Variants in ATG2A observed in about 807,000 individuals in gnomAD.
ATG2A encodes the protein autophagy-related protein 2 homolog A.
ATG2A carries 103 observed loss-of-function variants against 214.2 expected under a neutral mutation model. The observed-to-expected ratio is 0.48, with a 90% CI of 0.41 to 0.57. The LOEUF (loss-of-function observed/expected upper bound fraction) is 0.57, where lower values mean the gene tolerates loss of function less well. Ranked by LOEUF, ATG2A falls within the 20% of genes least tolerant of loss-of-function variation. The pLI, the probability that ATG2A is intolerant of heterozygous loss-of-function variation, is 0.00. For missense variants in ATG2A, 2,312 were observed against 2,613.2 expected (o/e 0.88, Z 2.51); for synonymous variants, 1,160 against 1,142.1 (o/e 1.02, Z -0.32).
rs186364141 is a variant in ATG2A, at chr11:64,908,881, C to A, written c.2364+110G>T. On this transcript the variant is annotated intron_variant, in intron 16 of 40. Transcript: ENST00000377264. ...CTGGTGTTGGGTCAGCTCATGCCCA[C>A]CCCAGGTGGTCGTGCTGCCCTGGCC... 724 of 1,290,100 alleles carry A rather than the reference C, an allele frequency of 5.6e-4. 4 individuals carry two copies. In the African/African-American group the frequency reaches 9.7e-3, roughly 17 times the overall value. The allele number at this position is 1,290,100 out of a possible 1,614,324, so 79.9% of individuals were successfully genotyped here.
chr11:64,902,535 G>A lies in ATG2A; in HGVS notation c.3758C>T (p.Thr1253Met), dbSNP rs914302325. The change falls in exon 27 of 41, where the codon ACG (threonine) becomes ATG (methionine). Residue 1253 changes from threonine (T) to methionine (M), a missense_variant. By Grantham distance (81) the Thr-to-Met change is moderately conservative. Coordinates refer to ENST00000377264, the MANE Select transcript of ATG2A (RefSeq NM_015104.3). The part of the protein sequence containing the change: ...LHPPPRPPSP[T>M]EIAGQKLSES... ...CTGTACCTTCTGGCCGGCGATCTCC[G>A]TGGGGCTGGGGGGCCGGGGTGGGGG... 18 of 1,544,810 alleles carry A rather than the reference G, an allele frequency of 1.2e-5. No individual in the cohort carries two copies. Among genetic ancestry groups the A allele is most frequent in the East Asian group, 4.9e-5 (2 of 40,910 alleles).
intron 19 of ATG2A, 62 bp from the exon 20 acceptor site, chr11:64,906,877 G>T (rs1250431718): frequency 9.7e-6 from 15 of 1,546,728 alleles, no homozygotes; most frequent in African/African-American, 1.4e-5. Flanking sequence ...AAGCCCTCTG[G>T]GGGTTGGCGG....
In ATG2A at chr11:64,898,332, T is replaced by C; in HGVS notation, c.4702A>G (p.Thr1568Ala). The change falls in exon 33 of 41, where the codon ACT becomes GCT. Residue 1568 changes from threonine to alanine, a missense_variant. Thr to Ala is a moderately conservative substitution (Grantham distance 58, BLOSUM62 0). Coordinates refer to ENST00000377264, the MANE Select transcript of ATG2A (RefSeq NM_015104.3). This position sits in a 1 kb window ranked among gnomAD's most constrained non-coding sequence, Gnocchi z 4.5. ...CACTCAGGCCCACCCAGGTTGGTAG[T>C]GGGGGCCACATGCAGCGCTTTGATG... Reference protein sequence around the residue: ...LTIKALHVAPTTNLGGPECCL... With the variant: ...LTIKALHVAPATNLGGPECCL... 2 of 1,609,426 alleles carry C rather than the reference T, an allele frequency of 1.2e-6. No homozygotes were observed. Among genetic ancestry groups the C allele is most frequent in the Non-Finnish European group, 1.7e-6 (2 of 1,178,518 alleles).
chr11:64,910,203 C>A lies in ATG2A; in HGVS notation c.1708-8G>T, dbSNP rs371052012. ...TGAGCGCCGGGGTCGGCTCTGAGGG[C>A]GAGGGCGTTCAGGTCAGTGAGGGCT... On this transcript the variant is annotated splice_region_variant and splice_polypyrimidine_tract_variant and intron_variant, in intron 12 of 40. Coordinates refer to ENST00000377264, the MANE Select transcript of ATG2A (RefSeq NM_015104.3). 1.1e-5 allele frequency: 17 copies of A among 1,586,420 alleles called. No individual in the cohort carries two copies. Among genetic ancestry groups the A allele is most frequent in the African/African-American group, 1.3e-5 (1 of 74,286 alleles).
chr11:64,910,737 G>GTCA, intron 11 of ATG2A, 29 bp from the exon 12 acceptor site: 1 of 1,609,956 alleles, frequency 6.2e-7, no homozygotes, highest in Non-Finnish European at 8.5e-7. Flanking sequence ...GGCACACAGG[G>GTCA]TCAGGCCTGG....
chr11:64,903,316 G>A lies in ATG2A; in HGVS notation c.3584C>T (p.Thr1195Ile), dbSNP rs1266990758. The change falls in exon 26 of 41, where the codon ACC becomes ATC. Residue 1195 changes from threonine (T) to isoleucine (I), a missense_variant. Transcript: ENST00000377264. This position sits in a 1 kb window ranked among gnomAD's most constrained non-coding sequence, Gnocchi z 4.2. ...DVDLLELVIK[T>I]WKGSTEGKLS... Reference sequence around the variant, plus strand: ...TTTGCCCTCGGTGCTCCCTTTCCAGGTTTTAATCACAAGTTCCAAGAGGTC... The same window carrying A: ...TTTGCCCTCGGTGCTCCCTTTCCAGATTTTAATCACAAGTTCCAAGAGGTC... 6.2e-7 allele frequency: 1 copy of A among 1,614,068 alleles called. No homozygotes were observed. Among genetic ancestry groups the A allele is most frequent in the Admixed American group, 1.7e-5 (1 of 60,020 alleles).
chr11:64,910,123 C>T lies in ATG2A; in HGVS notation c.1780G>A (p.Asp594Asn), dbSNP rs1441177929. 1 of 1,611,832 alleles carries T rather than the reference C, an allele frequency of 6.2e-7. No homozygotes were observed. The highest frequency in any genetic ancestry group is 1.3e-5 in the African/African-American group (1 of 74,920). ...LALDLANFQADVELGALDRLA... is the reference protein window; with the variant it reads ...LALDLANFQANVELGALDRLA... The stretch of plus-strand genomic sequence containing the variant: ...CGGTCCAGGGCCCCCAGCTCCACGT[C>T]CGCCTGGAAGTTGGCCAGGTCCAGG... The change falls in exon 13 of 41, where the codon GAC (aspartate) becomes AAC (asparagine). Residue 594 changes from aspartate to asparagine, a missense_variant. Physicochemically the swap from Asp to Asn is conservative, Grantham distance 23 (BLOSUM62 1). Coordinates refer to ENST00000377264, the MANE Select transcript of ATG2A (RefSeq NM_015104.3).
chr11:64,910,467 C>A, intron 12 of ATG2A, 149 bp downstream of exon 12: 1 of 1,050,416 alleles, frequency 9.5e-7, no homozygotes, highest in East Asian at 2.6e-5. Context: ...TAGGAAGGGC[C>A]AGGCAGGTAT....
chr11:64,908,040 A>G, intron 16 of ATG2A, 150 bp from the exon 17 acceptor site: 1 of 955,008 alleles, frequency 1.0e-6, no homozygotes, highest in Non-Finnish European at 1.6e-6. Flanking sequence ...AGCCGTACAG[A>G]TACAGTGCTG....
intron 37 of ATG2A, chr11:64,897,077 G>A (rs985839272): frequency 1.3e-6 from 1 of 763,594 alleles, no homozygotes; most frequent in East Asian, 2.8e-5. Flanking sequence ...CTGGAGTGAA[G>A]TGGTGCGATC....
chr11:64,913,823 C>T lies in ATG2A; in HGVS notation c.588G>A (p.Gln196=). Residue 196 remains glutamine (Q), a splice_region_variant and synonymous_variant, in exon 4 of 41, where the codon CAG becomes CAA. Transcript: ENST00000377264. This position sits in a 1 kb window ranked among gnomAD's most constrained non-coding sequence, Gnocchi z 4.3. ...ACCCCAGATCGGCCTGCCCTTACCT[C>T]TGCACACGGACCTCGACGGCCACAC... ...ERGVAVEVRV[Q]RLEYCDEAVR... 1 of 1,613,040 alleles carries T rather than the reference C, an allele frequency of 6.2e-7. No individual in the cohort carries two copies. Among genetic ancestry groups the T allele is most frequent in the South Asian group, 1.1e-5 (1 of 91,074 alleles).
rs769189843 is a variant in ATG2A at position 64,902,475 on chromosome 11, GC to G, written c.3777+40del. On this transcript the variant is annotated intron_variant, in intron 27 of 40. Coordinates refer to ENST00000377264, the MANE Select transcript of ATG2A (RefSeq NM_015104.3). ...AGGGCCATGGCAGGGGAGGGGCCTG[GC>G]CGAGCTCTGGTAGCCTGTGTGGCCA... 7 of 1,532,382 alleles carry G rather than the reference GC, an allele frequency of 4.6e-6. No individual in the cohort carries two copies. The South Asian group carries it at 8.5e-5, about 19-fold the overall frequency. The allele number at this position is 1,532,382 out of a possible 1,614,324, so 94.9% of individuals were successfully genotyped here.
chr11:64,897,943 G>A lies in ATG2A; in HGVS notation c.4890C>T (p.Ser1630=), dbSNP rs776237039. ...CGCCTTCGGCCTGCCCTTCCAGGGGGCTGCTGGGCTGGGCTCGAGTCTCGG... is the reference window on the plus strand; with the variant it reads ...CGCCTTCGGCCTGCCCTTCCAGGGGACTGCTGGGCTGGGCTCGAGTCTCGG... ...ARPETRAQPS[S]PLEGQAEGVE... Residue 1630 remains serine (S), a synonymous_variant, in exon 35 of 41, where the codon AGC becomes AGT. Coordinates refer to ENST00000377264, the MANE Select transcript of ATG2A (RefSeq NM_015104.3). 1 of 1,549,574 alleles carries A rather than the reference G, an allele frequency of 6.5e-7. No individual in the cohort carries two copies. Among genetic ancestry groups the A allele is most frequent in the Admixed American group, 1.9e-5 (1 of 51,370 alleles).
intron 20 of ATG2A, 29 bp from the exon 21 acceptor site, chr11:64,906,562 C>T: frequency 1.2e-6 from 2 of 1,609,686 alleles, no homozygotes; most frequent in African/African-American, 1.3e-5. Flanking sequence ...AGCCCCCTGC[C>T]AAGCCAACTG....
At position 64,902,350 on chromosome 11, in the gene ATG2A, G is replaced by A; in HGVS notation, c.3814C>T (p.Pro1272Ser). 6.2e-7 allele frequency: 1 copy of A among 1,601,412 alleles called. No individual in the cohort carries two copies. Among genetic ancestry groups the A allele is most frequent in the Non-Finnish European group, 8.5e-7 (1 of 1,174,894 alleles). The stretch of plus-strand genomic sequence containing the variant: ...TGGTTGATGAGGGCCGTCTCCACTG[G>A]GGGGCACGAGGGCAGAGAGGCAGGA... ...ESPASLPSCP[P>S]VETALINQRD... Residue 1272 changes from proline to serine, a missense_variant, in exon 28 of 41, where the codon CCA becomes TCA. Transcript: ENST00000377264.
intron 1 of ATG2A, among the ~76,000 whole-genome samples, chr11:64,915,551 G>A (rs2136653033): frequency 6.6e-6 from 1 of 152,228 alleles, no homozygotes; most frequent in African/African-American, 2.4e-5. Flanking sequence ...CCTGCAGGCT[G>A]AGCTGGGAGG....
In ATG2A at chr11:64,909,155, C is replaced by T. The variant is rs765353204; in HGVS notation, c.2205-5G>A. 27 of 1,607,182 alleles carry T rather than the reference C, an allele frequency of 1.7e-5. No homozygotes were observed. Among genetic ancestry groups the T allele is most frequent in the Admixed American group, 8.4e-5 (5 of 59,566 alleles). Reference sequence around the variant, plus strand: ...GGGTTCACAGTCACCACTACCCTGCCGGGGCACAGGCCTGTTACTGGCCTG... The same window carrying T: ...GGGTTCACAGTCACCACTACCCTGCTGGGGCACAGGCCTGTTACTGGCCTG... On this transcript the variant is annotated splice_polypyrimidine_tract_variant and splice_region_variant and intron_variant, in intron 15 of 40. Transcript: ENST00000377264.
intron 31 of ATG2A, 80 bp downstream of exon 31, chr11:64,900,414 C>T (rs1944310945): frequency 6.3e-7 from 1 of 1,599,582 alleles, no homozygotes; most frequent in South Asian, 1.1e-5. Context: ...CTGCATTAGT[C>T]ATTGCTACAC....
rs1944810145 is a variant in ATG2A at position 64,912,417 on chromosome 11, C to T, written c.832G>A (p.Val278Met). The change falls in exon 7 of 41, where the codon GTG becomes ATG. Residue 278 changes from valine to methionine, a missense_variant. Physicochemically the swap from Val to Met is conservative, Grantham distance 21 (BLOSUM62 1). Transcript: ENST00000377264. The part of the protein sequence containing the change: ...NEAFPGPKLE[V>M]AGQLGSLHLL... ...TGCAGGGAGCCCAGCTGTCCCGCCACCTCCAACTGGGGGCCAAGGAGGCAG... is the reference window on the plus strand; with the variant it reads ...TGCAGGGAGCCCAGCTGTCCCGCCATCTCCAACTGGGGGCCAAGGAGGCAG... 1 of 1,548,614 alleles carries T rather than the reference C, an allele frequency of 6.5e-7. No homozygotes were observed. Among genetic ancestry groups the T allele is most frequent in the South Asian group, 1.2e-5 (1 of 84,106 alleles).
Sources: allele counts gnomAD v4.1 joint callset (sites outside exome capture counted in the v4.1 genomes callset), GRCh38; gene constraint gnomAD v4.1.1; non-coding constraint Gnocchi (gnomAD v3.1); transcripts MANE v1.5; gene names NCBI Gene and HGNC (gene_info 2026-07-23, HGNC 2026-07-21).